The following ANKS1B variants were observed in gnomAD, a reference collection of about 807,000 sequenced individuals.
ANKS1B encodes ankyrin repeat and sterile alpha motif domain-containing protein 1B.
ANKS1B carries 36 observed loss-of-function variants against 148.3 expected under a neutral mutation model. The observed-to-expected ratio is 0.24, with a 90% confidence interval of 0.19 to 0.32. The LOEUF (loss-of-function observed/expected upper bound fraction) is 0.32. Among genes scored for constraint, ANKS1B ranks in the 10% least tolerant of loss-of-function variants. The pLI is 1.00. For synonymous variants in ANKS1B, 542 were observed against 560.8 expected (o/e 0.97, Z 0.47); for missense variants, 1,157 against 1,542.6 (o/e 0.75, Z 4.19).
At chr12:98,797,888 C>T (rs77362297) in intron 22 of ANKS1B, among the ~76,000 whole-genome samples, 2,164 of 152,276 alleles carry the variant, frequency 0.014, 42 homozygotes, top group African/African-American at 0.046. Flanking sequence ...ATTGCACTTA[C>T]TAATGACCTT....
chr12:99,209,315 C>T (rs994638772), intron 14 of ANKS1B, among the ~76,000 whole-genome samples: 4 of 152,170 alleles, frequency 2.6e-5, no homozygotes, highest in Non-Finnish European at 5.9e-5. Context: ...AAATTAGTCT[C>T]ACTCCATTTT....
At chr12:99,404,912 G>A (rs1386490661) in intron 11 of ANKS1B, among the ~76,000 whole-genome samples, 1 of 146,090 alleles carries the variant, frequency 6.8e-6, no homozygotes, top group Non-Finnish European at 1.5e-5. Flanking sequence ...CAAGAGAAAA[G>A]AAGCAAATAA....
intron 17 of ANKS1B, among the ~76,000 whole-genome samples, chr12:99,039,879 T>A (rs1001593374): frequency 2.0e-5 from 3 of 152,172 alleles, no homozygotes; most frequent in African/African-American, 7.2e-5. Flanking sequence ...CCCTTCTAGG[T>A]GAAGTTATAC....
At chr12:98,805,479 G>A (rs1223628902) in intron 20 of ANKS1B, among the ~76,000 whole-genome samples, 1 of 152,116 alleles carries the variant, frequency 6.6e-6, no homozygotes, top group African/African-American at 2.4e-5. Context: ...GTTTGCAACT[G>A]CCAACTATAA....
chr12:98,746,218 C>T (rs2097888381), intron 26 of ANKS1B, among the ~76,000 whole-genome samples: 1 of 152,174 alleles, frequency 6.6e-6, no homozygotes, highest in Admixed American at 6.5e-5. Context: ...GCATGCCACT[C>T]CCCGGCTCTC....
chr12:99,218,525 T>G (rs75148006), intron 14 of ANKS1B, among the ~76,000 whole-genome samples: 1 of 152,206 alleles, frequency 6.6e-6, no homozygotes, highest in Non-Finnish European at 1.5e-5. Flanking sequence ...CTCTTTTATA[T>G]CACCTCCTGA....
intron 8 of ANKS1B, among the ~76,000 whole-genome samples, chr12:99,684,270 T>A (rs1173548992): frequency 1.3e-4 from 20 of 148,796 alleles, no homozygotes. Flanking sequence ...AAGGATCAAG[T>A]GACAAAATCA....
At chr12:99,623,991 C>A (rs2098084808) in intron 9 of ANKS1B, among the ~76,000 whole-genome samples, 1 of 152,046 alleles carries the variant, frequency 6.6e-6, no homozygotes, top group Non-Finnish European at 1.5e-5. Context: ...CATCTTATTA[C>A]CCAACGTTGA....
intron 9 of ANKS1B, among the ~76,000 whole-genome samples, chr12:99,607,044 G>C (rs933865615): frequency 6.6e-6 from 1 of 152,214 alleles, no homozygotes; most frequent in Admixed American, 6.5e-5. Flanking sequence ...AGACAGCTGT[G>C]AAGACAATGC....
intron 17 of ANKS1B, among the ~76,000 whole-genome samples, chr12:99,051,467 CA>C (rs1285075652): frequency 1.3e-5 from 2 of 152,152 alleles, no homozygotes; most frequent in Admixed American, 1.3e-4. Context: ...AACTGGGATG[CA>C]ACTTAAGTTG....
intron 24 of ANKS1B, among the ~76,000 whole-genome samples, chr12:98,775,581 A>G (rs539968644): frequency 6.6e-6 from 1 of 150,934 alleles, no homozygotes; most frequent in African/African-American, 2.4e-5. Flanking sequence ...AGTAGCTGGG[A>G]CTACAGGCAT....
intron 12 of ANKS1B, among the ~76,000 whole-genome samples, chr12:99,375,284 C>T (rs2093345063): frequency 1.3e-5 from 2 of 152,076 alleles, no homozygotes; most frequent in Admixed American, 1.3e-4. Flanking sequence ...CTTAATTGCC[C>T]AATATGCCCT....
chr12:99,112,820 G>A (rs962487232), intron 15 of ANKS1B, among the ~76,000 whole-genome samples: 2 of 152,058 alleles, frequency 1.3e-5, no homozygotes, highest in Non-Finnish European at 2.9e-5. Context: ...TTTCCATGTC[G>A]TCCTGTTTGC....
intron 1 of ANKS1B, among the ~76,000 whole-genome samples, chr12:99,860,879 T>A (rs1029286373): frequency 2.6e-5 from 4 of 152,186 alleles, no homozygotes; most frequent in Non-Finnish European, 5.9e-5. Flanking sequence ...GCTATATCTT[T>A]CCTACTGATA....
intron 8 of ANKS1B, among the ~76,000 whole-genome samples, chr12:99,726,051 C>A (rs762532903): frequency 6.6e-6 from 1 of 151,994 alleles, no homozygotes; most frequent in Non-Finnish European, 1.5e-5. Context: ...GATCTCAAAT[C>A]GACACCCTAA....
chr12:99,122,709 A>T (rs2063192926), intron 15 of ANKS1B, among the ~76,000 whole-genome samples: 1 of 152,140 alleles, frequency 6.6e-6, no homozygotes, highest in South Asian at 2.1e-4. Context: ...AGTTGCTATA[A>T]CAACCAGCAG....
rs556092584 is a variant in ANKS1B, at chr12:98,941,564, G to A, written c.2779-109428C>T. On this transcript the variant is annotated intron_variant, in intron 17 of 26. Coordinates refer to ENST00000683438, the MANE Select transcript of ANKS1B (RefSeq NM_001352186.2). ...AAATGCACTGTGAGTATTGATTTGC[G>A]GTTACAATTCAATTTTAGCAAGTAG... Among the ~76,000 whole-genome samples, 12 of 152,134 alleles carry A rather than the reference G, an allele frequency of 7.9e-5. No homozygotes were observed. The South Asian group carries it at 2.3e-3, about 29-fold the overall frequency.
intron 9 of ANKS1B, chr12:99,648,878 C>G: frequency 6.8e-7 from 1 of 1,460,668 alleles, no homozygotes; most frequent in Non-Finnish European, 9.1e-7. Flanking sequence ...TGCAGCTCAC[C>G]TGGGAAATGC....
chr12:98,843,744 T>C (rs560967901), intron 17 of ANKS1B, among the ~76,000 whole-genome samples: 1 of 152,242 alleles, frequency 6.6e-6, no homozygotes, highest in South Asian at 2.1e-4. Context: ...ATTGAAGCAG[T>C]GAAACTATCT....
Sources: gnomAD v4.1 joint callset for allele counts (sites outside exome capture counted in the v4.1 genomes callset) on GRCh38, gnomAD v4.1.1 for gene constraint, MANE v1.5 for transcripts, NCBI Gene and HGNC (gene_info 2026-07-23, HGNC 2026-07-21) for gene names.